Variants in SLC35F4 observed in about 807,000 individuals in gnomAD.
The protein encoded by SLC35F4 is solute carrier family 35 member F4, also known as chromosome 14 open reading frame 36.
Under a neutral mutation model 44.2 loss-of-function variants are expected in SLC35F4, and 24 were observed. The ratio of observed to expected loss-of-function variants is 0.54; its 90% confidence interval spans 0.39 to 0.76. The LOEUF is 0.76. Among genes scored for constraint, SLC35F4 ranks in the 30% least tolerant of loss-of-function variants. SLC35F4 has a pLI of 0.00. For synonymous variants in SLC35F4, 238 were observed against 223.6 expected (o/e 1.06, Z -0.57); for missense variants, 562 against 586.1 (o/e 0.96, Z 0.42).
intron 1 of SLC35F4, among the ~76,000 whole-genome samples, chr14:57,600,553 G>T (rs1328030711): frequency 6.8e-6 from 1 of 147,426 alleles, no homozygotes; most frequent in Non-Finnish European, 1.5e-5. Context: ...TTAGCCGGGC[G>T]TAGTGGCGGG....
At chr14:57,800,347 ACAT>A (rs1308212451) in intron 1 of SLC35F4, among the ~76,000 whole-genome samples, 1 of 152,198 alleles carries the variant, frequency 6.6e-6, no homozygotes, top group African/African-American at 2.4e-5. Flanking sequence ...CCCCACAGAA[ACAT>A]CATTCAAATG....
intron 1 of SLC35F4, among the ~76,000 whole-genome samples, chr14:57,670,900 T>C (rs889190503): frequency 1.8e-5 from 2 of 109,206 alleles, no homozygotes; most frequent in Non-Finnish European, 3.8e-5. Context: ...AACTCATTCA[T>C]TCTTTTTTTT....
intron 1 of SLC35F4, among the ~76,000 whole-genome samples, chr14:57,778,721 A>G (rs549782065): frequency 1.3e-5 from 2 of 151,902 alleles, no homozygotes; most frequent in East Asian, 3.9e-4. Flanking sequence ...ACAATCAGAT[A>G]TAAAACAATG....
chr14:57,786,544 G>A (rs1244883216), intron 1 of SLC35F4, among the ~76,000 whole-genome samples: 4 of 152,106 alleles, frequency 2.6e-5, no homozygotes, highest in African/African-American at 7.2e-5. Flanking sequence ...CACAGAACAG[G>A]TGCAGGTATC....
chr14:57,702,805 T>C (rs962986794), intron 1 of SLC35F4, among the ~76,000 whole-genome samples: 1 of 152,128 alleles, frequency 6.6e-6, no homozygotes, highest in African/African-American at 2.4e-5. Flanking sequence ...TAATCCCCAT[T>C]TTATGGATGA....
intron 3 of SLC35F4, among the ~76,000 whole-genome samples, chr14:57,585,449 T>G (rs2069633320): frequency 6.6e-6 from 1 of 152,140 alleles, no homozygotes; most frequent in African/African-American, 2.4e-5. Context: ...GGATGCCATC[T>G]CTTACCACTC....
rs972339236 is a variant in SLC35F4, at chr14:57,807,837, T to C, written c.103+57886A>G. Among the ~76,000 whole-genome samples the C allele has an allele frequency of 3.3e-5, 5 of 151,900 alleles. 1 individual carries two copies. The highest frequency in any genetic ancestry group is 1.2e-4 in the African/African-American group (5 of 41,162). Reference sequence around the variant, plus strand: ...TAAAGACATACCTGAGACTGGGTAATTTATAAAGAAAAAGTGGCTTAATAG... The same window carrying C: ...TAAAGACATACCTGAGACTGGGTAACTTATAAAGAAAAAGTGGCTTAATAG... On this transcript the variant is annotated intron_variant, in intron 1 of 7. Coordinates refer to ENST00000556826, the MANE Select transcript of SLC35F4 (RefSeq NM_001306087.2).
At chr14:57,861,667 A>G (rs185767918) in intron 1 of SLC35F4, among the ~76,000 whole-genome samples, 108 of 152,256 alleles carry the variant, frequency 7.1e-4, no homozygotes, top group African/African-American at 2.5e-3. Context: ...TAATTGTCAA[A>G]TTCAATCGGT....
At chr14:57,687,134 T>C (rs1196529541) in intron 1 of SLC35F4, among the ~76,000 whole-genome samples, 2 of 152,178 alleles carry the variant, frequency 1.3e-5, no homozygotes, top group Non-Finnish European at 2.9e-5. Context: ...ACCTTGATCT[T>C]GGACTTTCAG....
At chr14:57,662,782 A>G (rs1031173829) in intron 1 of SLC35F4, among the ~76,000 whole-genome samples, 9 of 152,288 alleles carry the variant, frequency 5.9e-5, no homozygotes, top group Non-Finnish European at 1.2e-4. Context: ...TTTCCCCTTT[A>G]CACTCATTCT....
chr14:57,662,143 T>C lies in SLC35F4; in HGVS notation c.104-68019A>G, dbSNP rs1382090072. On this transcript the variant is annotated intron_variant, in intron 1 of 7. Transcript: ENST00000556826. ...TCCAAATGCATTCTTTGAAAACATG[T>C]AGAAATCTCGTGATCAGAGTTCTAT... Among the ~76,000 whole-genome samples the C allele has an allele frequency of 1.1e-4, 17 of 152,320 alleles. No homozygotes were observed. In the East Asian group the frequency reaches 3.1e-3, roughly 28 times the overall value.
At chr14:57,620,001 G>A (rs990351571) in intron 1 of SLC35F4, among the ~76,000 whole-genome samples, 7 of 151,992 alleles carry the variant, frequency 4.6e-5, no homozygotes, top group Admixed American at 4.6e-4. Context: ...AAAAAAGAAT[G>A]AAAAGAAATG....
chr14:57,761,877 C>A (rs1421245906), intron 1 of SLC35F4, among the ~76,000 whole-genome samples: 1 of 151,926 alleles, frequency 6.6e-6, no homozygotes, highest in African/African-American at 2.4e-5. Context: ...GCAACAGAAA[C>A]CTTCTCATGT....
chr14:57,648,630 A>C (rs1454996886), intron 1 of SLC35F4, among the ~76,000 whole-genome samples: 2 of 152,206 alleles, frequency 1.3e-5, no homozygotes, highest in Non-Finnish European at 2.9e-5. Flanking sequence ...TTCAATTAAA[A>C]CTATAAATAT....
chr14:57,700,120 G>A (rs1480464970), intron 1 of SLC35F4, among the ~76,000 whole-genome samples: 3 of 152,116 alleles, frequency 2.0e-5, no homozygotes, highest in African/African-American at 7.2e-5. Flanking sequence ...TTGTCATTGT[G>A]TCAACATCGT....
chr14:57,636,838 A>C (rs540289620), intron 1 of SLC35F4, among the ~76,000 whole-genome samples: 45 of 152,176 alleles, frequency 3.0e-4, no homozygotes, highest in Non-Finnish European at 5.6e-4. Context: ...AACCCTATAC[A>C]TTATTAGAGA....
At chr14:57,581,074 G>A (rs537886642) in intron 4 of SLC35F4, 140 bp downstream of exon 4, 337 of 760,244 alleles carry the variant, frequency 4.4e-4, no homozygotes, top group Non-Finnish European at 5.6e-4. Context: ...TTTCTAATGC[G>A]TCTTCAGATT....
At chr14:57,931,812 T>C (rs1889702404) in intron 1 of SLC35F4, among the ~76,000 whole-genome samples, 1 of 152,116 alleles carries the variant, frequency 6.6e-6, no homozygotes, top group Non-Finnish European at 1.5e-5. Flanking sequence ...CACAATCCAA[T>C]AGAGGGTCAA....
At chr14:57,728,453 T>C (rs1457958350) in intron 1 of SLC35F4, among the ~76,000 whole-genome samples, 2 of 130,332 alleles carry the variant, frequency 1.5e-5, no homozygotes, top group African/African-American at 5.8e-5. Context: ...TTTTTTTTTT[T>C]TTTTTTTTTT....
Sources: gnomAD v4.1 joint callset for allele counts (sites outside exome capture counted in the v4.1 genomes callset) on GRCh38, gnomAD v4.1.1 for gene constraint, MANE v1.5 for transcripts, NCBI Gene and HGNC (gene_info 2026-07-23, HGNC 2026-07-21) for gene names.